GOLGA4: variants seen among roughly 807,000 people sequenced by gnomAD.
The protein encoded by GOLGA4 is golgin A4, also known as golgin subfamily A member 4.
A neutral mutation model predicts 265.9 loss-of-function variants in GOLGA4; 169 were observed. That is an observed-to-expected ratio of 0.64 (90% CI 0.56 to 0.72). GOLGA4 has a LOEUF of 0.72. GOLGA4 is among the 30% of genes least tolerant of loss of function. GOLGA4 has a pLI of 0.00. For synonymous variants in GOLGA4, 923 were observed against 855.8 expected, an observed-to-expected ratio of 1.08 and a Z score of -1.37; for missense variants, 2,482 against 2,483.4, an observed-to-expected ratio of 1.00 and a Z score of 0.01.
At chr3:37,261,084 T>A (rs1283592141) in intron 2 of GOLGA4, among the ~76,000 whole-genome samples, 3 of 151,618 alleles carry the variant, frequency 2.0e-5, no homozygotes, top group Non-Finnish European at 4.4e-5. Context: ...AGTAGGAAGA[T>A]TTTTTGATCC....
chr3:37,326,906 T>C lies in GOLGA4; in HGVS notation c.5020T>C (p.Leu1674=), dbSNP rs1443606087. ...EQYKKGTESH[L]SELNTKLQER... is the part of the protein sequence containing the mutation. ...GTATAAAAAAGGTACAGAAAGCCATTTGAGTGAGCTAAATACAAAATTGCA... is the reference window on the plus strand; with the variant it reads ...GTATAAAAAAGGTACAGAAAGCCATCTGAGTGAGCTAAATACAAAATTGCA... Residue 1674 remains leucine, a synonymous_variant, in exon 14 of 24, where the codon TTG becomes CTG. Coordinates refer to ENST00000361924, the MANE Select transcript of GOLGA4 (RefSeq NM_002078.5). The C allele has an allele frequency of 6.2e-7, 1 of 1,613,768 alleles. No homozygotes were observed. Among genetic ancestry groups the C allele is most frequent in the Non-Finnish European group, 8.5e-7 (1 of 1,179,770 alleles).
chr3:37,321,887 G>T lies in GOLGA4; in HGVS notation c.1701+1G>T. On this transcript the variant is annotated splice_donor_variant, in intron 13 of 23. Coordinates refer to ENST00000361924, the MANE Select transcript of GOLGA4 (RefSeq NM_002078.5). LOFTEE classifies it high-confidence loss of function. Reference sequence around the variant, plus strand: ...GCAAGAAGCAGAGACTTACAGAACTGTAAGTTTTAATAATATTCAGATTCT... The same window carrying T: ...GCAAGAAGCAGAGACTTACAGAACTTTAAGTTTTAATAATATTCAGATTCT... The T allele has an allele frequency of 6.3e-7, 1 of 1,590,096 alleles. No individual in the cohort carries two copies. Among genetic ancestry groups the T allele is most frequent in the Non-Finnish European group, 8.5e-7 (1 of 1,172,286 alleles).
At position 37,258,042 on chromosome 3, in the gene GOLGA4, C is replaced by T. The variant is rs1246046280; in HGVS notation, c.162+6558C>T. Among the ~76,000 whole-genome samples the T allele has an allele frequency of 8.3e-3, 410 of 49,126 alleles. 50 individuals are homozygous for T. The highest frequency in any genetic ancestry group is 0.015 in the Non-Finnish European group (347 of 23,828). 32.2% of individuals were successfully genotyped at this position (49,126 alleles called of 152,430 possible). ...ATATGTATGTATATATGTATATATACATACATATATATATGTATGTATATA... is the reference window on the plus strand; with the variant it reads ...ATATGTATGTATATATGTATATATATATACATATATATATGTATGTATATA... On this transcript the variant is annotated intron_variant, in intron 2 of 23. Coordinates refer to ENST00000361924, the MANE Select transcript of GOLGA4 (RefSeq NM_002078.5).
At chr3:37,281,386 T>G (rs549952981) in intron 2 of GOLGA4, among the ~76,000 whole-genome samples, 28 of 152,274 alleles carry the variant, frequency 1.8e-4, no homozygotes, top group Admixed American at 1.2e-3. Context: ...TCACATTCCC[T>G]TATTAAACAA....
At chr3:37,286,130 A>ATTT in intron 4 of GOLGA4, 69 bp downstream of exon 4, 4 of 304,890 alleles carry the variant, frequency 1.3e-5, no homozygotes, top group East Asian at 6.8e-5. Flanking sequence ...ATAGTAAGAT[A>ATTT]TTTCTTTCTT....
chr3:37,315,860 C>G (rs550758568), intron 11 of GOLGA4, among the ~76,000 whole-genome samples: 5 of 152,330 alleles, frequency 3.3e-5, no homozygotes, highest in East Asian at 3.9e-4. Flanking sequence ...CTCCCCGACT[C>G]TTAGGCACCT....
chr3:37,286,098 T>G, intron 4 of GOLGA4, 37 bp downstream of exon 4: 1 of 1,035,892 alleles, frequency 9.7e-7, no homozygotes, highest in Non-Finnish European at 1.5e-6. Context: ...GAGTCATAAT[T>G]TTTAAATCAG....
intron 13 of GOLGA4, 139 bp from the exon 14 acceptor site, chr3:37,323,449 G>A: frequency 1.7e-6 from 1 of 597,200 alleles, no homozygotes; most frequent in Admixed American, 3.2e-5. Context: ...TTTAGTAATT[G>A]AGCATAGATT....
Position 37,347,199 on chromosome 3 carries a change from A to C in GOLGA4, c.6479A>C (p.Asn2160Thr). The change falls in exon 21 of 24, where the codon AAT becomes ACT. Residue 2160 changes from asparagine to threonine, a missense_variant. Physicochemically the swap from Asn to Thr is moderately conservative, Grantham distance 65. Transcript: ENST00000361924. ...TTVGTPYKGG[N>T]LYHTDVSLFG... Reference sequence around the variant, plus strand: ...CTATTTTTTTATTTGGCAGGTGGCAATTTGTACCATACGGATGTCTCACTC... The same window carrying C: ...CTATTTTTTTATTTGGCAGGTGGCACTTTGTACCATACGGATGTCTCACTC... The C allele has an allele frequency of 3.7e-6, 6 of 1,606,890 alleles. No homozygotes were observed. The highest frequency in any genetic ancestry group is 4.3e-6 in the Non-Finnish European group (5 of 1,174,338).
chr3:37,365,031 G>T (rs571554637), intron 23 of GOLGA4, among the ~76,000 whole-genome samples: 8 of 152,090 alleles, frequency 5.3e-5, no homozygotes, highest in East Asian at 3.9e-4. Context: ...GAGTAGCTGG[G>T]ACTACAGACA....
At chr3:37,262,273 A>G (rs1036868960) in intron 2 of GOLGA4, among the ~76,000 whole-genome samples, 1 of 152,224 alleles carries the variant, frequency 6.6e-6, no homozygotes, top group African/African-American at 2.4e-5. Flanking sequence ...TGGGAGGCCA[A>G]GGCGGGCAGA....
At chr3:37,276,376 G>A (rs1578456839) in intron 2 of GOLGA4, 1 of 1,607,258 alleles carries the variant, frequency 6.2e-7, no homozygotes, top group South Asian at 1.1e-5. Context: ...CAGAGGAAAT[G>A]GCTAGTGATG....
chr3:37,306,519 G>C (rs1237770400), intron 10 of GOLGA4, among the ~76,000 whole-genome samples: 1 of 151,314 alleles, frequency 6.6e-6, no homozygotes, highest in African/African-American at 2.4e-5. Flanking sequence ...GTGTGTGTGT[G>C]TGTGTGTGTG....
intron 22 of GOLGA4, among the ~76,000 whole-genome samples, chr3:37,360,053 G>A (rs2097100443): frequency 6.6e-6 from 1 of 152,158 alleles, no homozygotes; most frequent in South Asian, 2.1e-4. Context: ...TGCTATGCCA[G>A]TATCATCTCT....
At chr3:37,361,123 A>G in intron 22 of GOLGA4, 120 bp from the exon 23 acceptor site, 1 of 766,860 alleles carries the variant, frequency 1.3e-6, no homozygotes. Context: ...ATTTGGGGAG[A>G]TTTGAGAAAA....
At chr3:37,302,831 C>T (rs2096896554) in intron 10 of GOLGA4, 1 of 152,948 alleles carries the variant, frequency 6.5e-6, no homozygotes, top group Admixed American at 6.5e-5. Flanking sequence ...GTGTTAATAG[C>T]ATGTTTTGAC....
Position 37,325,234 on chromosome 3 carries a change from G to A in GOLGA4, c.3348G>A (p.Lys1116=), listed in dbSNP as rs774138112. The A allele has an allele frequency of 1.2e-5, 19 of 1,612,862 alleles. No homozygotes were observed. In the East Asian group the frequency reaches 4.2e-4, roughly 36 times the overall value. The change falls in exon 14 of 24, where the codon AAG becomes AAA. Residue 1116 remains lysine, a synonymous_variant. Transcript: ENST00000361924. ...TAAATGAATTACAGGAACAGTTAAA[G>A]CAGAAGTCTGCCCATGTGAATTCTC... ...TTLNELQEQL[K]QKSAHVNSLA...
intron 2 of GOLGA4, among the ~76,000 whole-genome samples, chr3:37,279,757 A>C (rs965439182): frequency 1.3e-5 from 2 of 152,082 alleles, no homozygotes; most frequent in African/African-American, 4.8e-5. Context: ...AAATATAAAA[A>C]TTAGTCTGGT....
rs1233487690 is a variant in GOLGA4 at position 37,324,082 on chromosome 3, C to T, written c.2196C>T (p.His732=). The T allele has an allele frequency of 1.2e-6, 2 of 1,614,024 alleles. No homozygotes were observed. Among genetic ancestry groups the T allele is most frequent in the South Asian group, 2.2e-5 (2 of 91,080 alleles). The change falls in exon 14 of 24, where the codon CAC becomes CAT. Residue 732 remains histidine, a synonymous_variant. Coordinates refer to ENST00000361924, the MANE Select transcript of GOLGA4 (RefSeq NM_002078.5). ...AGATGGATGAACAGAAAAATCATCACCAGCAGCAAGTTGACAGTATCATTA... is the reference window on the plus strand; with the variant it reads ...AGATGGATGAACAGAAAAATCATCATCAGCAGCAAGTTGACAGTATCATTA... ...EAKMDEQKNH[H]QQQVDSIIKE...
Sources: allele counts gnomAD v4.1 joint callset (sites outside exome capture counted in the v4.1 genomes callset), GRCh38; gene constraint gnomAD v4.1.1; transcripts MANE v1.5; gene names NCBI Gene and HGNC (gene_info 2026-07-23, HGNC 2026-07-21).